REV3L: variants seen among roughly 807,000 people sequenced by gnomAD.
REV3L encodes the protein REV3 like, DNA directed polymerase zeta catalytic subunit, also known as DNA polymerase zeta catalytic subunit.
In REV3L, 69 loss-of-function variants were observed where a neutral mutation model predicts 299.4. The ratio of observed to expected loss-of-function variants is 0.23; its 90% CI spans 0.19 to 0.28. REV3L has a LOEUF of 0.28. Among genes scored for constraint, REV3L ranks in the 10% least tolerant of loss-of-function variants. The pLI is 1.00. For synonymous variants in REV3L, 1,238 were observed against 1,271.4 expected (o/e 0.97, Z 0.56); for missense variants, 3,128 against 3,693.8 (o/e 0.85, Z 3.97).
At chr6:111,302,636 G>A (rs1179984895) in intron 31 of REV3L, among the ~76,000 whole-genome samples, 1 of 152,188 alleles carries the variant, frequency 6.6e-6, no homozygotes, top group African/African-American at 2.4e-5. Context: ...TGGGCACAGT[G>A]GCTCATGCCT....
intron 26 of REV3L, chr6:111,315,753 C>A (rs1478434324): frequency 5.1e-6 from 1 of 195,868 alleles, no homozygotes; most frequent in East Asian, 1.1e-4. Context: ...TCAGTCAGAT[C>A]AGTGGCAGCA....
chr6:111,419,971 A>C (rs1785146304), intron 1 of REV3L, among the ~76,000 whole-genome samples: 1 of 151,852 alleles, frequency 6.6e-6, no homozygotes, highest in African/African-American at 2.4e-5. Flanking sequence ...CAGCCTCCGG[A>C]GTAGCTGGGA....
In REV3L at chr6:111,381,421, C is replaced by T; in HGVS notation, c.1120G>A (p.Glu374Lys). ...ATTGCTTCTTCATTAATAAGAGCTTCTTCCACTTTGTGTCTAGTGTGACCT... is the reference window on the plus strand; with the variant it reads ...ATTGCTTCTTCATTAATAAGAGCTTTTTCCACTTTGTGTCTAGTGTGACCT... The part of the protein sequence containing the change: ...SKGHTRHKVE[E>K]ALINEEAILN... The change falls in exon 10 of 32, where the codon GAA (glutamate) becomes AAA (lysine). Residue 374 changes from glutamate (E) to lysine (K), a missense_variant. By Grantham distance (56) the Glu-to-Lys change is moderately conservative. Transcript: ENST00000368802. The T allele has an allele frequency of 1.2e-6, 2 of 1,612,866 alleles. No individual in the cohort carries two copies. Among genetic ancestry groups the T allele is most frequent in the Non-Finnish European group, 1.7e-6 (2 of 1,179,566 alleles).
At chr6:111,475,714 T>C (rs1175303844) in intron 1 of REV3L, among the ~76,000 whole-genome samples, 1 of 152,178 alleles carries the variant, frequency 6.6e-6, no homozygotes, top group East Asian at 1.9e-4. Flanking sequence ...TACAAATAAG[T>C]TTTACTAGTC....
chr6:111,383,385 G>C (rs920056734), intron 9 of REV3L, among the ~76,000 whole-genome samples: 2 of 152,104 alleles, frequency 1.3e-5, no homozygotes, highest in African/African-American at 4.8e-5. Context: ...AAAACCTATA[G>C]ACTCCACCAA....
intron 1 of REV3L, chr6:111,430,324 C>T (rs898051755): frequency 3.5e-5 from 40 of 1,131,432 alleles, no homozygotes; most frequent in South Asian, 1.7e-4. Flanking sequence ...TTTTACTGCT[C>T]CTGGCTACTC....
intron 1 of REV3L, among the ~76,000 whole-genome samples, chr6:111,446,636 G>A (rs916863123): frequency 6.6e-5 from 10 of 152,120 alleles, no homozygotes; most frequent in Admixed American, 6.5e-4. Context: ...AGGAGGCAGA[G>A]GTTGCAGTGA....
intron 1 of REV3L, among the ~76,000 whole-genome samples, chr6:111,473,790 T>G (rs528898417): frequency 1.7e-4 from 26 of 151,970 alleles, no homozygotes; most frequent in Non-Finnish European, 3.2e-4. Flanking sequence ...GGAGAGGGGG[T>G]CAGTGTGAGG....
intron 1 of REV3L, among the ~76,000 whole-genome samples, chr6:111,468,106 TAGA>T (rs1468127682): frequency 6.6e-6 from 1 of 152,150 alleles, no homozygotes; most frequent in African/African-American, 2.4e-5. Context: ...AAACCAAACC[TAGA>T]AGAGGAAAAA....
intron 1 of REV3L, among the ~76,000 whole-genome samples, chr6:111,448,325 A>G (rs898290773): frequency 6.6e-6 from 1 of 151,884 alleles, no homozygotes. Context: ...TTTTTATTGG[A>G]GGTTTTCTTT....
At chr6:111,396,722 A>G (rs943899892) in intron 4 of REV3L, among the ~76,000 whole-genome samples, 12 of 152,014 alleles carry the variant, frequency 7.9e-5, no homozygotes, top group Middle Eastern at 3.4e-3. Flanking sequence ...AATAGAGACA[A>G]GGTCTCACTG....
intron 18 of REV3L, among the ~76,000 whole-genome samples, chr6:111,353,328 G>C (rs903312183): frequency 6.6e-6 from 1 of 152,030 alleles, no homozygotes; most frequent in Non-Finnish European, 1.5e-5. Flanking sequence ...AATGGCTTTC[G>C]TTTTTACCTA....
At chr6:111,311,365 A>G (rs1772957985) in intron 28 of REV3L, 106 bp from the exon 29 acceptor site, 1 of 705,266 alleles carries the variant, frequency 1.4e-6, no homozygotes, top group East Asian at 2.7e-5. Context: ...CTGCTAACCT[A>G]CCTAAATAAT....
chr6:111,409,094 A>G (rs1489190407), intron 3 of REV3L, among the ~76,000 whole-genome samples: 2 of 152,244 alleles, frequency 1.3e-5, no homozygotes, highest in Non-Finnish European at 2.9e-5. Flanking sequence ...ATTGTTTTAC[A>G]TGTTTACAAA....
At chr6:111,319,444 C>T (rs1251567724) in intron 26 of REV3L, among the ~76,000 whole-genome samples, 2 of 149,550 alleles carry the variant, frequency 1.3e-5, no homozygotes, top group East Asian at 2.0e-4. Context: ...CCAGCCTGGG[C>T]GGCAGAGCGA....
chr6:111,344,076 T>C, intron 20 of REV3L, 33 bp from the exon 21 acceptor site: 2 of 1,421,740 alleles, frequency 1.4e-6, no homozygotes. Context: ...ATTATAATAA[T>C]GCTTACATTT....
intron 4 of REV3L, among the ~76,000 whole-genome samples, chr6:111,403,874 A>C (rs1783343246): frequency 6.6e-6 from 1 of 152,182 alleles, no homozygotes. Flanking sequence ...GCAAAGGAAA[A>C]GTTCTTGAAG....
intron 25 of REV3L, among the ~76,000 whole-genome samples, chr6:111,325,720 G>A (rs1774715257): frequency 1.3e-5 from 2 of 152,184 alleles, no homozygotes; most frequent in Admixed American, 6.5e-5. Context: ...AATGTGTAAT[G>A]ATCAAATCAG....
chr6:111,428,946 T>C (rs796851915), intron 1 of REV3L, among the ~76,000 whole-genome samples: 12 of 152,164 alleles, frequency 7.9e-5, no homozygotes, highest in African/African-American at 2.6e-4. Flanking sequence ...TATATAATAA[T>C]GAAACACTCA....
Sources: gnomAD v4.1 joint callset for allele counts (sites outside exome capture counted in the v4.1 genomes callset) on GRCh38, gnomAD v4.1.1 for gene constraint, MANE v1.5 for transcripts, NCBI Gene and HGNC (gene_info 2026-07-23, HGNC 2026-07-21) for gene names.